Variants in CCND3 observed in about 807,000 individuals in gnomAD.
CCND3 encodes G1/S-specific cyclin-D3.
Under a neutral mutation model 28.7 loss-of-function variants are expected in CCND3, and 9 were observed. That is an observed-to-expected ratio of 0.31 (90% CI 0.19 to 0.55). The LOEUF (loss-of-function observed/expected upper bound fraction) is 0.55. Ranked by LOEUF, CCND3 falls within the 20% of genes least tolerant of loss-of-function variation. CCND3 has a pLI of 0.93. For synonymous variants in CCND3, 164 were observed against 163.9 expected (o/e 1.00, Z 0.00); for missense variants, 315 against 385.8 (o/e 0.82, Z 1.54).
At chr6:41,976,760 T>G (rs1762197364) in intron 1 of CCND3, among the ~76,000 whole-genome samples, 1 of 152,188 alleles carries the variant, frequency 6.6e-6, no homozygotes, top group South Asian at 2.1e-4. Context: ...GTCTTTGATA[T>G]ATGAAGGATA....
rs770637837 is a variant in CCND3, at chr6:41,940,370, C to T, written c.414G>A (p.Arg138=). The T allele has an allele frequency of 1.1e-5, 17 of 1,613,240 alleles. No homozygotes were observed. The South Asian group carries it at 1.8e-4, about 17-fold the overall frequency. The change falls in exon 2 of 5, where the codon CGG becomes CGA. Residue 138 remains arginine (R), a splice_region_variant and synonymous_variant. Coordinates refer to ENST00000372991, the MANE Select transcript of CCND3 (RefSeq NM_001760.5). ...TDHAVSPRQL[R]DWEVLVLGKL... is the part of the protein sequence containing the mutation. ...GGGGTGGGGGGAGTTACACACGCAC[C>T]CGCAACTGGCGGGGAGAGACAGCGT...
rs1318857426 is a variant in CCND3, at chr6:42,036,397, A to T, written c.-46+12104T>A. ...ATATACTATATATATATATATATATATATATATTTTTTTTTTTTTTTTTTT... is the reference window on the plus strand; with the variant it reads ...ATATACTATATATATATATATATATTTATATATTTTTTTTTTTTTTTTTTT... On this transcript the variant is annotated intron_variant, in intron 1 of 4. Coordinates refer to the CCND3 transcript ENST00000372988. 5.4e-3 allele frequency among the ~76,000 whole-genome samples: 240 copies of T among 44,348 alleles called. 3 individuals are homozygous for T. The highest frequency in any genetic ancestry group is 0.019 in the African/African-American group (190 of 10,134). 29.1% of individuals were successfully genotyped at this position (44,348 alleles called of 152,430 possible). A position where few individuals can be genotyped will look rare whatever the true frequency, so the allele number is the denominator to read the frequency against.
chr6:41,994,629 T>G (rs534339761), intron 1 of CCND3, among the ~76,000 whole-genome samples: 1 of 152,244 alleles, frequency 6.6e-6, no homozygotes, highest in African/African-American at 2.4e-5. Context: ...AGTGATAATA[T>G]ATCAACGTAG....
Position 41,941,598 on chromosome 6 carries a change from C to T in CCND3, c.52G>A (p.Asp18Asn), listed in dbSNP as rs1430025445. ...GTRHAPRAGP[D>N]PRLLGDQRVL... ...CGCTGGTCCCCCAGCAGCCGCGGGT[C>T]CGGCCCGGCCCGGGGCGCGTGCCGG... The change falls in exon 1 of 5, where the codon GAC becomes AAC. Residue 18 changes from aspartate to asparagine, a missense_variant. By Grantham distance (23) the Asp-to-Asn change is conservative. Coordinates refer to ENST00000372991, the MANE Select transcript of CCND3 (RefSeq NM_001760.5). This position sits in a 1 kb window ranked among gnomAD's most constrained non-coding sequence, Gnocchi z 6.1. 9 of 1,533,028 alleles carry T rather than the reference C, an allele frequency of 5.9e-6. No homozygotes were observed. The highest frequency in any genetic ancestry group is 7.9e-6 in the Non-Finnish European group (9 of 1,137,972). The allele number at this position is 1,533,028 out of a possible 1,614,324, so 95.0% of individuals were successfully genotyped here.
chr6:42,025,854 TCA>T (rs1222328710), intron 1 of CCND3, among the ~76,000 whole-genome samples: 2 of 152,220 alleles, frequency 1.3e-5, no homozygotes, highest in African/African-American at 4.8e-5. Context: ...CTTTCCTTTT[TCA>T]CACACACGGA....
chr6:41,940,117 G>A (rs1410492), intron 2 of CCND3, among the ~76,000 whole-genome samples: 2 of 152,058 alleles, frequency 1.3e-5, no homozygotes, highest in African/African-American at 2.4e-5. Context: ...GAAAGACCAG[G>A]AAGGAGTGGC....
chr6:41,992,457 C>T (rs1013644830), intron 1 of CCND3, among the ~76,000 whole-genome samples: 4 of 126,574 alleles, frequency 3.2e-5, no homozygotes, highest in African/African-American at 1.2e-4. Context: ...CCACCACACC[C>T]AGCCGGTTTT....
chr6:41,986,179 A>G lies in CCND3; in HGVS notation c.-45-45594T>C, dbSNP rs1166219483. Among the ~76,000 whole-genome samples, 4 of 152,018 alleles carry G rather than the reference A, an allele frequency of 2.6e-5. 1 individual carries two copies. Among genetic ancestry groups the G allele is most frequent in the Non-Finnish European group, 5.9e-5 (4 of 67,984 alleles). Reference sequence around the variant, plus strand: ...AGTACCATGCTATTTTGATTGCTATAGCTTTACAGTATATTTGGAATTTAG... The same window carrying G: ...AGTACCATGCTATTTTGATTGCTATGGCTTTACAGTATATTTGGAATTTAG... On this transcript the variant is annotated intron_variant, in intron 1 of 4. Transcript: ENST00000372988.
At chr6:42,042,921 G>C (rs1043812818) in intron 1 of CCND3, among the ~76,000 whole-genome samples, 2 of 152,248 alleles carry the variant, frequency 1.3e-5, no homozygotes, top group Non-Finnish European at 2.9e-5. Context: ...TCGAAGTGGG[G>C]TCGTTTGTCT....
At chr6:41,992,921 T>A (rs1400651572) in intron 1 of CCND3, among the ~76,000 whole-genome samples, 1 of 152,046 alleles carries the variant, frequency 6.6e-6, no homozygotes, top group African/African-American at 2.4e-5. Context: ...TTTATTTTTG[T>A]TTTTAAAGAT....
chr6:42,001,449 C>T (rs1204686121), intron 1 of CCND3, among the ~76,000 whole-genome samples: 1 of 43,364 alleles, frequency 2.3e-5, no homozygotes, highest in East Asian at 7.5e-4. Context: ...GTTGCTAACA[C>T]ATACCACATA....
chr6:42,001,730 G>A (rs1366502615), intron 1 of CCND3, among the ~76,000 whole-genome samples: 2 of 152,028 alleles, frequency 1.3e-5, no homozygotes, highest in African/African-American at 2.4e-5. Flanking sequence ...GGGGCGGGGG[G>A]CGGAGTGTGC....
chr6:42,000,468 T>C (rs1762969404), intron 1 of CCND3, among the ~76,000 whole-genome samples: 1 of 150,882 alleles, frequency 6.6e-6, no homozygotes, highest in Non-Finnish European at 1.5e-5. Context: ...GACCTCGTGA[T>C]CCGCCTGCCT....
chr6:42,027,439 CAAAAAAAA>C (rs5875782), intron 1 of CCND3, among the ~76,000 whole-genome samples: 7 of 132,230 alleles, frequency 5.3e-5, no homozygotes, highest in South Asian at 2.3e-4. Context: ...GGCTCCATCT[CAAAAAAAA>C]AAAAAAAAAA....
chr6:41,956,855 C>T (rs748739033), intron 1 of CCND3, among the ~76,000 whole-genome samples: 4 of 151,802 alleles, frequency 2.6e-5, no homozygotes, highest in Admixed American at 6.6e-5. Context: ...AGTGAAACCC[C>T]GCCTCTACTA....
At chr6:41,940,649 G>C in intron 1 of CCND3, 64 bp from the exon 2 acceptor site, 1 of 1,169,830 alleles carries the variant, frequency 8.5e-7, no homozygotes, top group Non-Finnish European at 1.3e-6. Flanking sequence ...CGGGGGGGTG[G>C]GAGCGCTGAA....
intron 1 of CCND3, among the ~76,000 whole-genome samples, chr6:41,992,225 T>C (rs7764240): frequency 0.84 from 127,779 of 151,818 alleles, 54,331 homozygotes; most frequent in Non-Finnish European, 0.9. Context: ...TGCAGTGGCA[T>C]GATCTCAGCT....
chr6:42,015,432 C>T (rs1347107836), intron 1 of CCND3, among the ~76,000 whole-genome samples: 1 of 152,100 alleles, frequency 6.6e-6, no homozygotes, highest in Non-Finnish European at 1.5e-5. Flanking sequence ...AAGTTATGGC[C>T]AGGCACAGTG....
chr6:42,003,525 C>CAAAAAAAAAA (rs61494473), intron 1 of CCND3, among the ~76,000 whole-genome samples: 4 of 73,506 alleles, frequency 5.4e-5, no homozygotes, highest in African/African-American at 3.2e-4. Flanking sequence ...GACTCTGTCT[C>CAAAAAAAAAA]AAAAAAAAAA....
Sources: gnomAD v4.1 joint callset for allele counts (sites outside exome capture counted in the v4.1 genomes callset) on GRCh38, gnomAD v4.1.1 for gene constraint, Gnocchi (gnomAD v3.1) non-coding constraint, MANE v1.5 for transcripts, NCBI Gene and HGNC (gene_info 2026-07-23, HGNC 2026-07-21) for gene names.